Variants in LHFPL3 observed in about 807,000 individuals in gnomAD.
LHFPL3 encodes LHFPL tetraspan subfamily member 3.
In LHFPL3, 5 loss-of-function variants were observed where a neutral mutation model predicts 19.3. That is an observed-to-expected ratio of 0.26 (90% CI 0.14 to 0.54). The LOEUF is 0.54. LHFPL3 is among the 20% of genes least tolerant of loss of function. The probability of loss-of-function intolerance (pLI) is 0.94; values close to 1 mark genes in which losing one functional copy is unlikely to be tolerated. For synonymous variants in LHFPL3, 133 were observed against 126.2 expected (o/e 1.05, Z -0.36); for missense variants, 249 against 307.4 (o/e 0.81, Z 1.42).
intron 1 of LHFPL3, among the ~76,000 whole-genome samples, chr7:104,571,288 A>G (rs553097723): frequency 2.0e-5 from 3 of 152,300 alleles, no homozygotes; most frequent in East Asian, 3.9e-4. Flanking sequence ...TCTTTCAGTC[A>G]AGAGACCGTA....
intron 2 of LHFPL3, among the ~76,000 whole-genome samples, chr7:104,884,916 G>A (rs1792121297): frequency 6.6e-6 from 1 of 152,324 alleles, no homozygotes; most frequent in East Asian, 1.9e-4. Flanking sequence ...AGGAGAAGTG[G>A]AGTGGGAGGT....
chr7:104,851,166 T>C (rs10953453), intron 2 of LHFPL3, among the ~76,000 whole-genome samples: 33,181 of 152,194 alleles, frequency 0.22, 3,885 homozygotes, highest in South Asian at 0.39. Flanking sequence ...GACACATTAG[T>C]TTTTGCTCCC....
intron 1 of LHFPL3, among the ~76,000 whole-genome samples, chr7:104,565,523 G>A (rs756178785): frequency 7.2e-5 from 11 of 152,294 alleles, no homozygotes; most frequent in African/African-American, 1.9e-4. Context: ...AGAAGGAATT[G>A]ACAGGAAATT....
At chr7:104,620,622 T>C (rs1343614153) in intron 1 of LHFPL3, among the ~76,000 whole-genome samples, 9 of 152,114 alleles carry the variant, frequency 5.9e-5, no homozygotes, top group African/African-American at 2.2e-4. Flanking sequence ...ACACAGCACC[T>C]CTAGCCAAAT....
chr7:104,824,358 TA>T (rs1271674034), intron 2 of LHFPL3, among the ~76,000 whole-genome samples: 4 of 27,980 alleles, frequency 1.4e-4, no homozygotes, highest in East Asian at 1.7e-3. Flanking sequence ...AGATAATATA[TA>T]ATTATATATA....
In LHFPL3 at chr7:104,906,345, C is replaced by G. The variant is rs1240975974; in HGVS notation, c.*130C>G. The G allele has an allele frequency of 1.9e-6, 2 of 1,074,220 alleles. No homozygotes were observed. The highest frequency in any genetic ancestry group is 3.2e-5 in the African/African-American group (2 of 62,920). The allele number at this position is 1,074,220 out of a possible 1,614,324, so 66.5% of individuals were successfully genotyped here. ...ATCAGAGTATATAGATGAATATGAA[C>G]AAGAATGGAACATTCACTTGTCAAC... On this transcript the variant is annotated 3_prime_UTR_variant, in exon 3 of 3. Coordinates refer to ENST00000424859, the MANE Select transcript of LHFPL3 (RefSeq NM_199000.3).
At chr7:104,792,024 GTT>G (rs1289413686) in intron 2 of LHFPL3, among the ~76,000 whole-genome samples, 1 of 152,116 alleles carries the variant, frequency 6.6e-6, no homozygotes, top group East Asian at 1.9e-4. Context: ...TCTTTAAGAA[GTT>G]CAAAACAGCA....
At chr7:104,670,861 G>GTTTTT (rs765180265) in intron 1 of LHFPL3, among the ~76,000 whole-genome samples, 4 of 146,446 alleles carry the variant, frequency 2.7e-5, no homozygotes, top group Non-Finnish European at 1.5e-5. Context: ...AATGTGTTTT[G>GTTTTT]TTTTGTTTTT....
chr7:104,506,636 C>T (rs902959132), intron 1 of LHFPL3, among the ~76,000 whole-genome samples: 4 of 152,184 alleles, frequency 2.6e-5, no homozygotes, highest in Admixed American at 6.5e-5. Flanking sequence ...GATTAAACTC[C>T]CTATTTAGTA....
At chr7:104,468,658 CTTTT>C (rs11388073) in intron 1 of LHFPL3, among the ~76,000 whole-genome samples, 1 of 137,298 alleles carries the variant, frequency 7.3e-6, no homozygotes, top group Non-Finnish European at 1.5e-5. Flanking sequence ...TTGTATAAAC[CTTTT>C]TTTTTTTTTT....
intron 1 of LHFPL3, among the ~76,000 whole-genome samples, chr7:104,405,970 A>T (rs1791404712): frequency 6.6e-6 from 1 of 152,258 alleles, no homozygotes; most frequent in Non-Finnish European, 1.5e-5. Flanking sequence ...TGAATTAAAC[A>T]GGTAAATAAG....
intron 1 of LHFPL3, chr7:104,667,729 A>G (rs1430428042): frequency 1.6e-5 from 24 of 1,529,246 alleles, no homozygotes; most frequent in Non-Finnish European, 2.1e-5. Flanking sequence ...AATACAAGGA[A>G]AAGCTTTCCC....
At chr7:104,852,788 G>C (rs1384540640) in intron 2 of LHFPL3, among the ~76,000 whole-genome samples, 1 of 152,228 alleles carries the variant, frequency 6.6e-6, no homozygotes, top group Non-Finnish European at 1.5e-5. Flanking sequence ...AGCTACTGGA[G>C]CATGGGGCAT....
chr7:104,642,185 G>A (rs981234215), intron 1 of LHFPL3, among the ~76,000 whole-genome samples: 3 of 151,720 alleles, frequency 2.0e-5, no homozygotes, highest in Non-Finnish European at 2.9e-5. Flanking sequence ...TTACAGGTGT[G>A]TGCCACCACA....
At chr7:104,695,151 G>A (rs1298325477) in intron 1 of LHFPL3, among the ~76,000 whole-genome samples, 2 of 151,746 alleles carry the variant, frequency 1.3e-5, no homozygotes, top group African/African-American at 4.8e-5. Context: ...GTCTTGCTCT[G>A]TTGCCCAGGC....
At chr7:104,608,357 G>C (rs1172413830) in intron 1 of LHFPL3, among the ~76,000 whole-genome samples, 1 of 151,808 alleles carries the variant, frequency 6.6e-6, no homozygotes, top group African/African-American at 2.4e-5. Context: ...GGACATGGAT[G>C]AAATTGGAAA....
chr7:104,361,946 C>T (rs988093221), intron 1 of LHFPL3, among the ~76,000 whole-genome samples: 2 of 152,176 alleles, frequency 1.3e-5, no homozygotes, highest in Non-Finnish European at 2.9e-5. Flanking sequence ...CTTTGGGATC[C>T]ACCTCTTTTA....
At chr7:104,558,077 A>G (rs1372532980) in intron 1 of LHFPL3, among the ~76,000 whole-genome samples, 2 of 149,778 alleles carry the variant, frequency 1.3e-5, no homozygotes, top group African/African-American at 4.9e-5. Flanking sequence ...CCAGTCTATC[A>G]CTGTTGGACA....
intron 2 of LHFPL3, among the ~76,000 whole-genome samples, chr7:104,771,425 G>C (rs17141483): frequency 0.29 from 43,658 of 151,950 alleles, 6,609 homozygotes; most frequent in South Asian, 0.39. Flanking sequence ...AGCAGCATCT[G>C]TCTGCTCAGG....
Sources: allele counts gnomAD v4.1 joint callset (sites outside exome capture counted in the v4.1 genomes callset), GRCh38; gene constraint gnomAD v4.1.1; transcripts MANE v1.5; gene names NCBI Gene and HGNC (gene_info 2026-07-23, HGNC 2026-07-21).